Variants in CAST observed in about 807,000 individuals in gnomAD.
The protein encoded by CAST is calpastatin, also known as MIR583 host.
A neutral mutation model predicts 119.6 loss-of-function variants in CAST; 76 were observed. The ratio of observed to expected loss-of-function variants is 0.64; its 90% CI spans 0.53 to 0.77. The LOEUF is 0.77. CAST is among the 30% of genes least tolerant of loss of function. The pLI, the probability that CAST is intolerant of heterozygous loss-of-function variation, is 0.00. For missense variants in CAST, 953 were observed against 946.5 expected (o/e 1.01, Z -0.09); for synonymous variants, 319 against 331.6 (o/e 0.96, Z 0.41).
intron 1 of CAST, among the ~76,000 whole-genome samples, chr5:96,643,079 A>G (rs1229014637): frequency 6.6e-6 from 1 of 151,868 alleles, no homozygotes; most frequent in African/African-American, 2.4e-5. Context: ...CTTAACCACT[A>G]CTCTATATTT....
chr5:96,403,479 T>C, the CAST span, among the ~76,000 whole-genome samples: 1 of 152,190 alleles, frequency 6.6e-6, no homozygotes, highest in Non-Finnish European at 1.5e-5. Flanking sequence ...TTCGTGTGCT[T>C]GTATTTCATA....
chr5:96,097,209 C>G, the CAST span, among the ~76,000 whole-genome samples: 1 of 151,912 alleles, frequency 6.6e-6, no homozygotes, highest in East Asian at 1.9e-4. Context: ...AGCTTTGGAG[C>G]TTTGGAGGGC....
rs113910560 is a variant in CAST at position 96,716,300 on chromosome 5, C to A, written c.211-6339C>A. Among the ~76,000 whole-genome samples the A allele has an allele frequency of 5.8e-3, 883 of 152,250 alleles. 4 individuals carry two copies. Among genetic ancestry groups the A allele is most frequent in the Non-Finnish European group, 9.3e-3 (630 of 68,020 alleles). On this transcript the variant is annotated intron_variant, in intron 3 of 31. Transcript: ENST00000675179. ...TGTTTTATTTTTAAGTTGTACAACT[C>A]CTGGTTGATGACAGTCATAACGTAA...
intron 1 of CAST, among the ~76,000 whole-genome samples, chr5:96,627,673 A>G (rs988551289): frequency 2.0e-5 from 3 of 152,250 alleles, no homozygotes; most frequent in African/African-American, 7.2e-5. Context: ...AGGTTTGCTC[A>G]GTGCACAGAA....
chr5:96,062,511 G>T, the CAST span, among the ~76,000 whole-genome samples: 22 of 152,120 alleles, frequency 1.4e-4, no homozygotes, highest in Middle Eastern at 3.2e-3. Flanking sequence ...TTTGGGATCT[G>T]TGGGTTTAGA....
chr5:96,489,338 A>C, the CAST span, among the ~76,000 whole-genome samples: 1 of 152,270 alleles, frequency 6.6e-6, no homozygotes, highest in Non-Finnish European at 1.5e-5. Context: ...AAAGAAATTC[A>C]TAATGGCAGC....
the CAST span, among the ~76,000 whole-genome samples, chr5:96,010,276 G>A: frequency 6.6e-6 from 1 of 152,044 alleles, no homozygotes; most frequent in Non-Finnish European, 1.5e-5. Flanking sequence ...GGCTATTCAA[G>A]CTCTTTTTTG....
chr5:96,582,693 G>C (rs902862132), intron 1 of CAST, among the ~76,000 whole-genome samples: 1 of 152,160 alleles, frequency 6.6e-6, no homozygotes, highest in Non-Finnish European at 1.5e-5. Flanking sequence ...CTCCCTCAGA[G>C]TTGTTTCTGG....
chr5:96,018,693 T>G, the CAST span, among the ~76,000 whole-genome samples: 3 of 152,188 alleles, frequency 2.0e-5, no homozygotes, highest in African/African-American at 7.2e-5. Context: ...CTCTAAAAGA[T>G]GTGACCCACT....
chr5:96,421,803 A>T, the CAST span: 1 of 839,480 alleles, frequency 1.2e-6, no homozygotes, highest in Non-Finnish European at 2.1e-6. Context: ...TGTGGATGAA[A>T]TATATGGTAT....
the CAST span, among the ~76,000 whole-genome samples, chr5:95,976,582 A>G: frequency 6.6e-6 from 1 of 152,158 alleles, no homozygotes; most frequent in African/African-American, 2.4e-5. Context: ...TTTAAAGAGC[A>G]TACACTCCTA....
At chr5:96,188,571 T>C in the CAST span, among the ~76,000 whole-genome samples, 4 of 152,190 alleles carry the variant, frequency 2.6e-5, no homozygotes, top group Admixed American at 6.5e-5. Context: ...TCCTCAACTT[T>C]AGATATATCT....
the CAST span, among the ~76,000 whole-genome samples, chr5:96,059,845 A>G: frequency 1.3e-5 from 2 of 152,106 alleles, no homozygotes; most frequent in Non-Finnish European, 2.9e-5. Flanking sequence ...ACCCTACTCA[A>G]GAGAGTGCAT....
chr5:96,147,331 G>A, the CAST span, among the ~76,000 whole-genome samples: 1 of 152,192 alleles, frequency 6.6e-6, no homozygotes, highest in Admixed American at 6.5e-5. Flanking sequence ...GGGGCCGGGC[G>A]CGGTGGCTCA....
intron 1 of CAST, among the ~76,000 whole-genome samples, chr5:96,551,516 G>C (rs1299336550): frequency 6.6e-6 from 1 of 151,964 alleles, no homozygotes. Context: ...TCAATTAATG[G>C]GTGAAATAAC....
At position 96,631,325 on chromosome 5, in the gene CAST, A is replaced by G. The variant is rs1039956840; in HGVS notation, c.61-44214A>G. Among the ~76,000 whole-genome samples, 26 of 140,768 alleles carry G rather than the reference A, an allele frequency of 1.8e-4. 2 individuals are homozygous for G. The highest frequency in any genetic ancestry group is 6.5e-4 in the African/African-American group (26 of 39,872). 92.3% of individuals were successfully genotyped at this position (140,768 alleles called of 152,430 possible). A position where few individuals can be genotyped will look rare whatever the true frequency, so the allele number is the denominator to read the frequency against. ...ACTTTCTATCTCTATAAATTTGGCTATTTTGGACATTTAATACAAATGTAA... is the reference window on the plus strand; with the variant it reads ...ACTTTCTATCTCTATAAATTTGGCTGTTTTGGACATTTAATACAAATGTAA... On this transcript the variant is annotated intron_variant, in intron 1 of 11. Coordinates refer to the CAST transcript ENST00000505143.
chr5:96,083,140 A>G, the CAST span, among the ~76,000 whole-genome samples: 1 of 152,264 alleles, frequency 6.6e-6, no homozygotes, highest in Non-Finnish European at 1.5e-5. Context: ...GAGATACTCA[A>G]TATGCAAATT....
chr5:96,483,339 T>G, the CAST span, among the ~76,000 whole-genome samples: 1 of 152,182 alleles, frequency 6.6e-6, no homozygotes, highest in Non-Finnish European at 1.5e-5. Context: ...AAAATAGCTG[T>G]GCCCATGTAT....
Position 96,774,207 on chromosome 5 carries a change from A to AGAT in CAST, c.*1593_*1595dup, listed in dbSNP as rs1371601373. On this transcript the variant is annotated 3_prime_UTR_variant, in exon 32 of 32. Coordinates refer to ENST00000675179, the MANE Select transcript of CAST (RefSeq NM_001750.7). The stretch of plus-strand genomic sequence containing the variant: ...AAACCTTGAAACCTTTGACACTGAC[A>AGAT]GATGTGTTTGCAAGGATACGGCTTC... 1 of 153,986 alleles carries AGAT rather than the reference A, an allele frequency of 6.5e-6. No individual in the cohort carries two copies. The highest frequency in any genetic ancestry group is 2.4e-5 in the African/African-American group (1 of 41,450). 9.5% of individuals were successfully genotyped at this position (153,986 alleles called of 1,614,324 possible). A position where few individuals can be genotyped will look rare whatever the true frequency, so the allele number is the denominator to read the frequency against.
Sources: gnomAD v4.1 joint callset for allele counts (sites outside exome capture counted in the v4.1 genomes callset) on GRCh38, gnomAD v4.1.1 for gene constraint, MANE v1.5 for transcripts, NCBI Gene and HGNC (gene_info 2026-07-23, HGNC 2026-07-21) for gene names.